The following PDE8B variants were observed in gnomAD, a reference collection of about 807,000 sequenced individuals.
PDE8B encodes high affinity cAMP-specific and IBMX-insensitive 3',5'-cyclic phosphodiesterase 8B.
Under a neutral mutation model 101.3 loss-of-function variants are expected in PDE8B, and 26 were observed. The ratio of observed to expected loss-of-function variants is 0.26; its 90% CI spans 0.19 to 0.36. The LOEUF is 0.36. PDE8B is among the 10% of genes least tolerant of loss of function. The pLI, the probability that PDE8B is intolerant of heterozygous loss-of-function variation, is 1.00. For synonymous variants in PDE8B, 424 were observed against 429.3 expected (o/e 0.99, Z 0.15); for missense variants, 810 against 1,163.1 (o/e 0.70, Z 4.42).
At chr5:77,349,673 G>A in intron 8 of PDE8B, 114 bp downstream of exon 8, 1 of 1,197,146 alleles carries the variant, frequency 8.4e-7, no homozygotes. Context: ...ATAATTAAGT[G>A]AAAGATCTAT....
chr5:77,352,812 T>G (rs1781407189), intron 9 of PDE8B, among the ~76,000 whole-genome samples: 2 of 152,284 alleles, frequency 1.3e-5, no homozygotes, highest in Admixed American at 1.3e-4. Context: ...GTGACAGTGA[T>G]AAAGAGTGAG....
intron 6 of PDE8B, among the ~76,000 whole-genome samples, chr5:77,337,572 T>C (rs1778429043): frequency 6.6e-6 from 1 of 152,202 alleles, no homozygotes; most frequent in Non-Finnish European, 1.5e-5. Flanking sequence ...CCTGGGAAAA[T>C]GCTTAATTTT....
chr5:77,218,115 A>G (rs1005760985), intron 1 of PDE8B, among the ~76,000 whole-genome samples: 1 of 152,158 alleles, frequency 6.6e-6, no homozygotes, highest in Non-Finnish European at 1.5e-5. Context: ...TCAAGGAACT[A>G]TTTTGCTTTT....
chr5:77,415,607 C>T (rs1795377477), intron 17 of PDE8B, among the ~76,000 whole-genome samples: 1 of 152,070 alleles, frequency 6.6e-6, no homozygotes. Context: ...AATCCACCCA[C>T]CTCGACCTCC....
At chr5:77,160,349 C>G in the PDE8B span, among the ~76,000 whole-genome samples, 2 of 152,172 alleles carry the variant, frequency 1.3e-5, no homozygotes, top group African/African-American at 4.8e-5. Flanking sequence ...TACTCGAGTC[C>G]CACAGTCGAC....
Position 77,337,315 on chromosome 5 carries a change from G to A in PDE8B, c.797G>A (p.Arg266Gln), listed in dbSNP as rs746700414. 2.0e-6 allele frequency: 3 copies of A among 1,481,304 alleles called. No individual in the cohort carries two copies. The highest frequency in any genetic ancestry group is 1.9e-6 in the Non-Finnish European group (2 of 1,061,818). 91.8% of individuals were successfully genotyped at this position (1,481,304 alleles called of 1,614,324 possible). A position where few individuals can be genotyped will look rare whatever the true frequency, so the allele number is the denominator to read the frequency against. ...HGEVRSQFKL[R>Q]ACNSVFTALD... ...GAAGTTCGCTCCCAGTTCAAATTAC[G>A]GTATGTAGCAAAATGATACAGTAAC... Residue 266 changes from arginine to glutamine, a missense_variant and splice_region_variant, in exon 6 of 22, where the codon CGG becomes CAG. By Grantham distance (43) the Arg-to-Gln change is conservative (BLOSUM62 1). Coordinates refer to ENST00000264917, the MANE Select transcript of PDE8B (RefSeq NM_003719.5).
upstream of PDE8B, among the ~76,000 whole-genome samples, chr5:77,207,469 TAG>T (rs1747593338): frequency 6.6e-6 from 1 of 152,260 alleles, no homozygotes; most frequent in Admixed American, 6.5e-5. Flanking sequence ...GTTTCTGATT[TAG>T]TTTACTTTCT....
chr5:77,245,861 C>CCG (rs1756824044), intron 1 of PDE8B, among the ~76,000 whole-genome samples: 1 of 91,094 alleles, frequency 1.1e-5, no homozygotes, highest in South Asian at 5.7e-4. Context: ...CCCCCCCCCC[C>CCG]AACTTTTTGA....
intron 1 of PDE8B, among the ~76,000 whole-genome samples, chr5:77,300,186 A>G (rs958242764): frequency 7.2e-5 from 11 of 152,216 alleles, no homozygotes; most frequent in African/African-American, 2.2e-4. Flanking sequence ...GAGCAAGAAT[A>G]CAAGGGAGCC....
chr5:77,353,329 T>A lies in PDE8B; in HGVS notation c.1107-17T>A. On this transcript the variant is annotated splice_polypyrimidine_tract_variant and intron_variant, in intron 9 of 21. Coordinates refer to ENST00000264917, the MANE Select transcript of PDE8B (RefSeq NM_003719.5). ...ATCTCATATCTGACTCACTAATAAC[T>A]GATTATTTGTTATTAGGAAAATTAG... 7.2e-7 allele frequency: 1 copy of A among 1,393,448 alleles called. No individual in the cohort carries two copies. Among genetic ancestry groups the A allele is most frequent in the Non-Finnish European group, 1.0e-6 (1 of 978,544 alleles). The allele number at this position is 1,393,448 out of a possible 1,614,324, so 86.3% of individuals were successfully genotyped here.
chr5:77,221,442 T>C (rs899438648), intron 1 of PDE8B, among the ~76,000 whole-genome samples: 12 of 152,210 alleles, frequency 7.9e-5, no homozygotes, highest in African/African-American at 2.4e-4. Context: ...AGAGGTTTGA[T>C]TGGATTATAC....
intron 10 of PDE8B, among the ~76,000 whole-genome samples, chr5:77,392,337 T>C (rs1790115466): frequency 6.6e-6 from 1 of 152,122 alleles, no homozygotes. Flanking sequence ...ACAACTCTAG[T>C]TGTCAGAAAG....
chr5:77,281,256 C>T (rs760489349), intron 1 of PDE8B, among the ~76,000 whole-genome samples: 1 of 152,170 alleles, frequency 6.6e-6, no homozygotes, highest in Non-Finnish European at 1.5e-5. Flanking sequence ...TTCCAGCGTC[C>T]CTCCCCGAGG....
At chr5:77,421,707 G>T (rs571435349) in intron 19 of PDE8B, 114 bp from the exon 20 acceptor site, 1 of 938,574 alleles carries the variant, frequency 1.1e-6, no homozygotes, top group South Asian at 1.4e-5. Context: ...TGCCTTCGCC[G>T]AGTCCCAGTC....
At chr5:77,270,363 C>A (rs1428292046) in intron 1 of PDE8B, among the ~76,000 whole-genome samples, 1 of 152,100 alleles carries the variant, frequency 6.6e-6, no homozygotes, top group East Asian at 1.9e-4. Context: ...TTGGTGAAAT[C>A]TTTAGGTTTT....
the PDE8B span, among the ~76,000 whole-genome samples, chr5:77,124,486 C>T: frequency 1.3e-5 from 2 of 151,474 alleles, no homozygotes; most frequent in African/African-American, 4.9e-5. Flanking sequence ...ACTTGGGAGG[C>T]TATGATGGGA....
chr5:77,210,101 C>A (rs1747920980), upstream of PDE8B, among the ~76,000 whole-genome samples: 1 of 152,124 alleles, frequency 6.6e-6, no homozygotes, highest in African/African-American at 2.4e-5. The surrounding 1 kb of genome is among the most constrained non-coding windows in gnomAD (Gnocchi z 4.9). Flanking sequence ...AGGGCCCCTG[C>A]CATTTCGGGA....
chr5:77,331,368 CT>C (rs778656374), intron 4 of PDE8B, 33 bp from the exon 5 acceptor site: 5 of 1,594,250 alleles, frequency 3.1e-6, no homozygotes, highest in Non-Finnish European at 4.3e-6. Context: ...TGGTTTGTAT[CT>C]GCTGAGTGAC....
At chr5:77,102,269 G>C in the PDE8B span, among the ~76,000 whole-genome samples, 1 of 152,114 alleles carries the variant, frequency 6.6e-6, no homozygotes, top group South Asian at 2.1e-4. Flanking sequence ...TTTTAGTTTA[G>C]ATTTTTTTTT....
Sources: gnomAD v4.1 joint callset for allele counts (sites outside exome capture counted in the v4.1 genomes callset) on GRCh38, gnomAD v4.1.1 for gene constraint, Gnocchi (gnomAD v3.1) non-coding constraint, MANE v1.5 for transcripts, NCBI Gene and HGNC (gene_info 2026-07-23, HGNC 2026-07-21) for gene names.